Variants in NCOA7 observed in about 807,000 individuals in gnomAD.
NCOA7 encodes nuclear receptor coactivator 7.
NCOA7 carries 45 observed loss-of-function variants against 104.3 expected under a neutral mutation model. That is an observed-to-expected ratio of 0.43 (90% CI 0.34 to 0.55). The LOEUF is 0.55. Ranked by LOEUF, NCOA7 falls within the 20% of genes least tolerant of loss-of-function variation. The pLI is 0.02. For synonymous variants in NCOA7, 398 were observed against 402.3 expected (o/e 0.99, Z 0.13); for missense variants, 1,041 against 1,119.7 (o/e 0.93, Z 1.00).
intron 3 of NCOA7, among the ~76,000 whole-genome samples, chr6:125,864,108 C>G (rs1782256820): frequency 7.3e-6 from 1 of 137,494 alleles, no homozygotes. Context: ...TCATCCTAAG[C>G]AAACAGTCAT....
intron 11 of NCOA7, among the ~76,000 whole-genome samples, chr6:125,920,196 A>C (rs1787449255): frequency 6.6e-6 from 1 of 152,274 alleles, no homozygotes; most frequent in Non-Finnish European, 1.5e-5. Context: ...ATCTCTGAAC[A>C]GTACATAAAT....
At position 125,910,321 on chromosome 6, in the gene NCOA7, C is replaced by A. The variant is rs184250083; in HGVS notation, c.2097-5012C>A. Among the ~76,000 whole-genome samples, 6 of 152,288 alleles carry A rather than the reference C, an allele frequency of 3.9e-5. No individual in the cohort carries two copies. In the East Asian group the frequency reaches 1.2e-3, roughly 29 times the overall value. ...CAGCTAGCCAGCAACCTATTAGGAACCACTTATGCCCATACATTTTATCCA... is the reference window on the plus strand; with the variant it reads ...CAGCTAGCCAGCAACCTATTAGGAAACACTTATGCCCATACATTTTATCCA... On this transcript the variant is annotated intron_variant, in intron 10 of 15. Coordinates refer to ENST00000392477, the MANE Select transcript of NCOA7 (RefSeq NM_181782.5).
intron 2 of NCOA7, among the ~76,000 whole-genome samples, chr6:125,816,998 A>G (rs1145991): frequency 0.055 from 8,311 of 152,274 alleles, 745 homozygotes; most frequent in African/African-American, 0.19. Flanking sequence ...AGGTGAATGG[A>G]ATCATATAGT....
chr6:125,868,044 G>A (rs2128632658), intron 3 of NCOA7, among the ~76,000 whole-genome samples: 1 of 152,242 alleles, frequency 6.6e-6, no homozygotes, highest in South Asian at 2.1e-4. Flanking sequence ...TGCTTTTTCA[G>A]AAGCATATTT....
chr6:125,813,538 G>A (rs1312072217), intron 1 of NCOA7, among the ~76,000 whole-genome samples: 2 of 148,426 alleles, frequency 1.3e-5, no homozygotes, highest in East Asian at 2.0e-4. Flanking sequence ...TGCAACCTCC[G>A]CCTCCCAGGT....
At chr6:125,860,085 C>T (rs1198081880) in intron 3 of NCOA7, among the ~76,000 whole-genome samples, 1 of 152,166 alleles carries the variant, frequency 6.6e-6, no homozygotes, top group Admixed American at 6.5e-5. Context: ...TCAAAAAAAC[C>T]TTCCAGAATG....
At chr6:125,806,258 T>G (rs1019532196) in intron 1 of NCOA7, among the ~76,000 whole-genome samples, 1 of 152,126 alleles carries the variant, frequency 6.6e-6, no homozygotes, top group Non-Finnish European at 1.5e-5. Flanking sequence ...GGAGAATCAC[T>G]TGAACCCAGG....
At chr6:125,788,119 A>G (rs1228396034), upstream of NCOA7, among the ~76,000 whole-genome samples, 1 of 152,220 alleles carries the variant, frequency 6.6e-6, no homozygotes, top group East Asian at 1.9e-4. Context: ...TTCATGTATT[A>G]TATCTTATCT....
chr6:125,894,244 G>T (rs1334323428), intron 10 of NCOA7, among the ~76,000 whole-genome samples: 1 of 152,114 alleles, frequency 6.6e-6, no homozygotes, highest in Non-Finnish European at 1.5e-5. Context: ...CATCTCCCCA[G>T]TTGTGGTAAA....
At chr6:125,864,590 G>A (rs1705509103) in intron 3 of NCOA7, among the ~76,000 whole-genome samples, 1 of 135,012 alleles carries the variant, frequency 7.4e-6, no homozygotes, top group African/African-American at 3.1e-5. Flanking sequence ...GAAGTAATGA[G>A]GCCATATGGG....
At chr6:125,876,499 G>A (rs1397956026) in intron 4 of NCOA7, among the ~76,000 whole-genome samples, 1 of 151,644 alleles carries the variant, frequency 6.6e-6, no homozygotes, top group African/African-American at 2.4e-5. Flanking sequence ...ATTAAGATCT[G>A]TATGTGTCTA....
chr6:125,790,456 C>T (rs1165988544), upstream of NCOA7, among the ~76,000 whole-genome samples: 5 of 152,198 alleles, frequency 3.3e-5, no homozygotes, highest in Admixed American at 1.3e-4. Flanking sequence ...CACAAAGGGC[C>T]GAGGCCTGCG....
chr6:125,810,332 T>C (rs1299292459), intron 1 of NCOA7: 1 of 152,228 alleles, frequency 6.6e-6, no homozygotes, highest in Non-Finnish European at 1.5e-5. Context: ...TTTGTCTTCA[T>C]CACAGCTCTT....
In NCOA7 at chr6:125,822,225, T is replaced by C. The variant is rs147170890; in HGVS notation, c.50+6821T>C. Among the ~76,000 whole-genome samples the C allele has an allele frequency of 3.2e-3, 489 of 152,376 alleles. 2 individuals are homozygous for C. Among genetic ancestry groups the C allele is most frequent in the African/African-American group, 0.011 (469 of 41,596 alleles). Reference sequence around the variant, plus strand: ...ATTGTTGGATTCAGATACTCAGTCATAGCACAGTTTTAATTGTGTTGATAC... The same window carrying C: ...ATTGTTGGATTCAGATACTCAGTCACAGCACAGTTTTAATTGTGTTGATAC... On this transcript the variant is annotated intron_variant, in intron 2 of 15. Coordinates refer to ENST00000392477, the MANE Select transcript of NCOA7 (RefSeq NM_181782.5).
rs374295815 is a variant in NCOA7, at chr6:125,882,450, T to C, written c.598T>C (p.Leu200=). 1 of 1,613,632 alleles carries C rather than the reference T, an allele frequency of 6.2e-7. No individual in the cohort carries two copies. The highest frequency in any genetic ancestry group is 8.5e-7 in the Non-Finnish European group (1 of 1,179,812). Residue 200 remains leucine, a synonymous_variant, in exon 7 of 16, where the codon TTG becomes CTG. Coordinates refer to ENST00000392477, the MANE Select transcript of NCOA7 (RefSeq NM_181782.5). ...LPDADLARKA[L]KPIERVLSST... ...GGATGCTGACTTAGCACGAAAGGCC[T>C]TGAAACCCATTGAAAGAGTCTTATC...
intron 2 of NCOA7, among the ~76,000 whole-genome samples, chr6:125,830,757 G>A (rs200224842): frequency 6.2e-5 from 9 of 145,852 alleles, no homozygotes; most frequent in South Asian, 2.2e-4. Context: ...GTGTGTGTGT[G>A]TGTATGTGTG....
intron 2 of NCOA7, among the ~76,000 whole-genome samples, chr6:125,828,374 T>A (rs1046830161): frequency 6.6e-6 from 1 of 152,200 alleles, no homozygotes; most frequent in African/African-American, 2.4e-5. Flanking sequence ...TGATAATTGA[T>A]TGGATAAAAG....
At chr6:125,916,907 T>C (rs1787135482) in intron 11 of NCOA7, among the ~76,000 whole-genome samples, 1 of 152,258 alleles carries the variant, frequency 6.6e-6, no homozygotes, top group South Asian at 2.1e-4. Context: ...TGATGTATGG[T>C]AGATGATATT....
intron 6 of NCOA7, 84 bp downstream of exon 6, chr6:125,881,287 A>G (rs1783803621): frequency 1.0e-6 from 1 of 987,724 alleles, no homozygotes; most frequent in Non-Finnish European, 1.6e-6. Context: ...TTTTCACAAG[A>G]TTACATCTGA....
Sources: allele counts gnomAD v4.1 joint callset (sites outside exome capture counted in the v4.1 genomes callset), GRCh38; gene constraint gnomAD v4.1.1; transcripts MANE v1.5; gene names NCBI Gene and HGNC (gene_info 2026-07-23, HGNC 2026-07-21).